BRD3: variants seen among roughly 807,000 people sequenced by gnomAD.
BRD3 encodes the protein bromodomain containing 3.
BRD3 carries 17 observed loss-of-function variants against 66.8 expected under a neutral mutation model. That is an observed-to-expected ratio of 0.25 (90% CI 0.17 to 0.38). The LOEUF (loss-of-function observed/expected upper bound fraction) is 0.38. BRD3 is among the 10% of genes least tolerant of loss of function. BRD3 has a pLI of 1.00. For synonymous variants in BRD3, 421 were observed against 393.2 expected (o/e 1.07, Z -0.84); for missense variants, 713 against 956.1 (o/e 0.75, Z 3.35).
intron 5 of BRD3, among the ~76,000 whole-genome samples, chr9:134,049,130 G>A (rs1255600776): frequency 6.6e-6 from 1 of 152,136 alleles, no homozygotes; most frequent in Non-Finnish European, 1.5e-5. Flanking sequence ...ATGACCCACA[G>A]AACCTTCTGT....
At chr9:134,051,086 G>A (rs1408293238) in intron 4 of BRD3, among the ~76,000 whole-genome samples, 3 of 152,166 alleles carry the variant, frequency 2.0e-5, no homozygotes, top group African/African-American at 4.8e-5. Context: ...TGGGGCTCAC[G>A]ACACTAATCA....
chr9:134,042,710 T>TATATAC (rs1830082646), intron 7 of BRD3, among the ~76,000 whole-genome samples: 1 of 88,738 alleles, frequency 1.1e-5, no homozygotes, highest in African/African-American at 2.9e-5. Flanking sequence ...CACATATATA[T>TATATAC]ACACATATAT....
intron 1 of BRD3, chr9:134,056,537 G>A (rs1830429773): frequency 6.6e-6 from 1 of 152,422 alleles, no homozygotes; most frequent in South Asian, 2.1e-4. Flanking sequence ...GAAGCCCTTG[G>A]CATAGAAGCG....
chr9:134,051,847 ATGTGTGTGTGTGTG>A (rs752502651), intron 3 of BRD3, 138 bp from the exon 4 acceptor site: 21 of 516,854 alleles, frequency 4.1e-5, no homozygotes, highest in Admixed American at 9.9e-5. Context: ...AAATGAATAT[ATGTGTGTGTGTGTG>A]TGTGTGTGTG....
rs200385726 is a variant in BRD3 at position 134,053,431 on chromosome 9, G to A, written c.47C>T (p.Pro16Leu). ...CGGGGGGGGTGGGTTCACAGGGCCC[G>A]GGGTCGCCGGGATCCCCGCGGGGGC... ...TVAPAGIPAT[P>L]GPVNPPPPEV... The change falls in exon 2 of 12, where the codon CCG becomes CTG. Residue 16 changes from proline to leucine, a missense_variant. Pro to Leu is a moderately conservative substitution (Grantham distance 98, BLOSUM62 -3). Around this residue, in one of 5 missense-constraint regions of BRD3, gnomAD observed 48 missense variants for 42.5 expected, o/e 1.13. Coordinates refer to ENST00000303407, the MANE Select transcript of BRD3 (RefSeq NM_007371.4). 17 of 1,610,862 alleles carry A rather than the reference G, an allele frequency of 1.1e-5. No homozygotes were observed. The highest frequency in any genetic ancestry group is 6.7e-5 in the East Asian group (3 of 44,856).
chr9:134,048,862 G>A lies in BRD3; in HGVS notation c.715-408C>T, dbSNP rs150066060. 2.0e-5 allele frequency among the ~76,000 whole-genome samples: 3 copies of A among 152,296 alleles called. No individual in the cohort carries two copies. The East Asian group carries it at 5.8e-4, about 29-fold the overall frequency. ...CCTCGGTGCTGCAGAGACCTGGGAG[G>A]AACTCCCTGCTTCCAGGAAAGTTCC... On this transcript the variant is annotated intron_variant, in intron 5 of 11. Transcript: ENST00000303407.
At chr9:134,038,274 C>T (rs550487549) in intron 9 of BRD3, among the ~76,000 whole-genome samples, 69 of 150,020 alleles carry the variant, frequency 4.6e-4, no homozygotes, top group Non-Finnish European at 5.2e-4. Flanking sequence ...CCTGTCTCAG[C>T]CTCCTGAGTA....
At position 134,048,249 on chromosome 9, in the gene BRD3, T is replaced by C. The variant is rs1446391044; in HGVS notation, c.920A>G (p.Lys307Arg). 9 of 1,611,266 alleles carry C rather than the reference T, an allele frequency of 5.6e-6. No individual in the cohort carries two copies. In the East Asian group the frequency reaches 1.1e-4, roughly 20 times the overall value. Reference protein sequence around the residue: ...EVPQHAGKKGKLSEHLRYCDS... With the variant: ...EVPQHAGKKGRLSEHLRYCDS... ...GCAGTAGCGTAGGTGCTCCGACAGC[T>C]TGCCCTTCTTGCCTGCGTGCTGGGG... The change falls in exon 6 of 12, where the codon AAG becomes AGG. Residue 307 changes from lysine to arginine, a missense_variant. Lys to Arg is a conservative substitution (Grantham distance 26). Coordinates refer to ENST00000303407, the MANE Select transcript of BRD3 (RefSeq NM_007371.4).
chr9:134,065,043 C>G (rs1310564720), intron 1 of BRD3, among the ~76,000 whole-genome samples: 1 of 152,234 alleles, frequency 6.6e-6, no homozygotes, highest in African/African-American at 2.4e-5. Flanking sequence ...CCGCAAGTTC[C>G]AAAACCTTTT....
chr9:134,034,067 C>A (rs1375092440), intron 11 of BRD3, among the ~76,000 whole-genome samples: 2 of 152,178 alleles, frequency 1.3e-5, no homozygotes, highest in Admixed American at 6.5e-5. Context: ...AGGAGACAGA[C>A]CCCTTCAGCG....
chr9:134,060,120 C>T (rs752509257), intron 1 of BRD3, among the ~76,000 whole-genome samples: 12 of 152,210 alleles, frequency 7.9e-5, no homozygotes, highest in Admixed American at 2.6e-4. Flanking sequence ...CACTGCCTGC[C>T]GGGCCCAGCA....
rs1294315669 is a variant in BRD3, at chr9:134,064,862, G to C, written c.-114+3083C>G. 2.0e-5 allele frequency among the ~76,000 whole-genome samples: 3 copies of C among 152,200 alleles called. No homozygotes were observed. In the East Asian group the frequency reaches 5.8e-4, roughly 29 times the overall value. ...AAGAAAACCCTATGCTCCGCCACCA[G>C]CTGGGCACCTCTACAAGGTGGCAGT... On this transcript the variant is annotated intron_variant, in intron 1 of 11. Coordinates refer to ENST00000303407, the MANE Select transcript of BRD3 (RefSeq NM_007371.4).
In BRD3 at chr9:134,032,840, CT is replaced by C. The variant is rs573215664; in HGVS notation, c.*749del. The C allele has an allele frequency of 0.058, 12,117 of 210,258 alleles. 257 individuals are homozygous for C. Among genetic ancestry groups the C allele is most frequent in the African/African-American group, 0.13 (4,681 of 36,562 alleles). 13.0% of individuals were successfully genotyped at this position (210,258 alleles called of 1,614,324 possible). ...TGCCGAACCTTACAAAAAAAGTCTC[CT>C]TTTTTTTTTTTTTTAAATCTTTTCT... On this transcript the variant is annotated 3_prime_UTR_variant, in exon 12 of 12. Transcript: ENST00000303407.
chr9:134,032,148 A>T lies in BRD3; in HGVS notation c.*1442T>A. On this transcript the variant is annotated 3_prime_UTR_variant, in exon 12 of 12. Transcript: ENST00000303407. ...CCAGTTTGGGACATCCCCGTACTCA[A>T]AGACCATATGGCAGCCTCTGGGAAA... 1 of 217,612 alleles carries T rather than the reference A, an allele frequency of 4.6e-6. No individual in the cohort carries two copies. The highest frequency in any genetic ancestry group is 9.2e-6 in the Non-Finnish European group (1 of 108,166). 13.5% of individuals were successfully genotyped at this position (217,612 alleles called of 1,614,324 possible). A position where few individuals can be genotyped will look rare whatever the true frequency, so the allele number is the denominator to read the frequency against.
chr9:134,033,001 C>T lies in BRD3; in HGVS notation c.*589G>A. 1 of 395,582 alleles carries T rather than the reference C, an allele frequency of 2.5e-6. No individual in the cohort carries two copies. The highest frequency in any genetic ancestry group is 3.6e-5 in the East Asian group (1 of 28,022). The allele number at this position is 395,582 out of a possible 1,614,324, so 24.5% of individuals were successfully genotyped here. A position where few individuals can be genotyped will look rare whatever the true frequency, so the allele number is the denominator to read the frequency against. Reference sequence around the variant, plus strand: ...GGAGAACGCACATCCCACCCGACCACCCCCCAAGGGCTCCACGCTCCGGGC... The same window carrying T: ...GGAGAACGCACATCCCACCCGACCATCCCCCAAGGGCTCCACGCTCCGGGC... On this transcript the variant is annotated 3_prime_UTR_variant, in exon 12 of 12. Transcript: ENST00000303407. This position sits in a 1 kb window ranked among gnomAD's most constrained non-coding sequence, Gnocchi z 5.1.
chr9:134,036,369 C>T, intron 9 of BRD3, 45 bp from the exon 10 acceptor site: 1 of 1,569,026 alleles, frequency 6.4e-7, no homozygotes, highest in Non-Finnish European at 8.6e-7. Flanking sequence ...CTCCGTCTAC[C>T]TGCCGTGGGA....
chr9:134,037,435 G>A (rs1353905011), intron 9 of BRD3, among the ~76,000 whole-genome samples: 1 of 152,156 alleles, frequency 6.6e-6, no homozygotes, highest in African/African-American at 2.4e-5. Flanking sequence ...GCCAGGCACG[G>A]TGGCGGGCAC....
At position 134,036,072 on chromosome 9, in the gene BRD3, A is replaced by G. The variant is rs1254229780; in HGVS notation, c.1896T>C (p.Tyr632=). Reference sequence around the variant, plus strand: ...GCTTTTTCTGTAAACAAGACTTGACATATCTCTCCAGTTCCCGCAAAGTGG... The same window carrying G: ...GCTTTTTCTGTAAACAAGACTTGACGTATCTCTCCAGTTCCCGCAAAGTGG... The part of the protein sequence containing the change: ...KPTTLRELER[Y]VKSCLQKKQR... Residue 632 remains tyrosine (Y), a synonymous_variant, in exon 10 of 12, where the codon TAT becomes TAC. Transcript: ENST00000303407. The G allele has an allele frequency of 7.4e-6, 12 of 1,612,968 alleles. No individual in the cohort carries two copies. Among genetic ancestry groups the G allele is most frequent in the East Asian group, 2.2e-5 (1 of 44,882 alleles).
chr9:134,061,963 A>AG, intron 1 of BRD3, among the ~76,000 whole-genome samples: 1 of 152,256 alleles, frequency 6.6e-6, no homozygotes, highest in East Asian at 1.9e-4. Context: ...AGGCGGCCAG[A>AG]GGGGCCTCCC....
Sources: allele counts gnomAD v4.1 joint callset (sites outside exome capture counted in the v4.1 genomes callset), GRCh38; gene constraint gnomAD v4.1.1; regional missense constraint gnomAD v4.1.1; non-coding constraint Gnocchi (gnomAD v3.1); transcripts MANE v1.5; gene names NCBI Gene and HGNC (gene_info 2026-07-23, HGNC 2026-07-21).